Variants in CNOT10 observed in about 807,000 individuals in gnomAD.
The protein encoded by CNOT10 is CCR4-NOT transcription complex subunit 10, also known as CCR4-NOT transcription complex, subunit 10.
A neutral mutation model predicts 94.6 loss-of-function variants in CNOT10; 30 were observed. The observed-to-expected ratio is 0.32, with a 90% CI of 0.24 to 0.43. The LOEUF (loss-of-function observed/expected upper bound fraction) is 0.43. Among genes scored for constraint, CNOT10 ranks in the 20% least tolerant of loss-of-function variants. The pLI, the probability that CNOT10 is intolerant of heterozygous loss-of-function variation, is 1.00. For synonymous variants in CNOT10, 289 were observed against 301.6 expected (o/e 0.96, Z 0.43); for missense variants, 759 against 877.2 (o/e 0.87, Z 1.70).
At chr3:32,707,354 G>T (rs1304230793) in intron 3 of CNOT10, among the ~76,000 whole-genome samples, 1 of 151,548 alleles carries the variant, frequency 6.6e-6, no homozygotes, top group African/African-American at 2.4e-5. Flanking sequence ...ACCATCATGT[G>T]TGCAATAATA....
At chr3:32,727,487 ACT>A (rs1575249384) in intron 9 of CNOT10, among the ~76,000 whole-genome samples, 179 bp from the exon 10 acceptor site, 1 of 152,058 alleles carries the variant, frequency 6.6e-6, no homozygotes, top group Admixed American at 6.5e-5. Flanking sequence ...AACTAAGATG[ACT>A]CTGGAGAATA....
chr3:32,690,783 A>G (rs113884673), intron 1 of CNOT10, among the ~76,000 whole-genome samples: 2,939 of 151,968 alleles, frequency 0.019, 44 homozygotes, highest in East Asian at 0.046. Flanking sequence ...TCCTGACCTC[A>G]TGATCCGCCC....
chr3:32,696,101 A>G (rs898879268), intron 1 of CNOT10, among the ~76,000 whole-genome samples: 4 of 151,704 alleles, frequency 2.6e-5, no homozygotes, highest in Non-Finnish European at 4.4e-5. Context: ...GGATCACTTG[A>G]GATCAGGAGT....
rs537624654 is a variant in CNOT10, at chr3:32,691,794, G to A, written c.22+6312G>A. ...CTGCCAGCCAGGCATGGCGCCTCAC[G>A]CCTGTAATCCCAGCACTTTGGGAGT... On this transcript the variant is annotated intron_variant, in intron 1 of 18. Coordinates refer to ENST00000328834, the MANE Select transcript of CNOT10 (RefSeq NM_015442.3). Among the ~76,000 whole-genome samples the A allele has an allele frequency of 1.4e-4, 21 of 151,216 alleles. No individual in the cohort carries two copies. The South Asian group carries it at 3.2e-3, about 23-fold the overall frequency.
intron 13 of CNOT10, among the ~76,000 whole-genome samples, chr3:32,746,027 G>T (rs1347247546): frequency 6.6e-6 from 1 of 152,198 alleles, no homozygotes; most frequent in Admixed American, 6.5e-5. Context: ...AAGTTAACAT[G>T]GATGAATCTC....
chr3:32,766,862 G>A (rs1399238395), intron 17 of CNOT10, among the ~76,000 whole-genome samples: 2 of 152,164 alleles, frequency 1.3e-5, no homozygotes, highest in East Asian at 1.9e-4. Flanking sequence ...CATACCTGTA[G>A]TAGGGGACTG....
intron 1 of CNOT10, among the ~76,000 whole-genome samples, chr3:32,697,853 T>G (rs1697150344): frequency 6.6e-6 from 1 of 152,250 alleles, no homozygotes; most frequent in African/African-American, 2.4e-5. Flanking sequence ...AAATTATGCT[T>G]CTTTATGAGA....
intron 3 of CNOT10, among the ~76,000 whole-genome samples, chr3:32,708,166 G>A (rs1179152335): frequency 1.3e-5 from 2 of 152,078 alleles, no homozygotes; most frequent in Non-Finnish European, 2.9e-5. Context: ...CCAAAGTGCT[G>A]GGATTACAGG....
chr3:32,752,998 CATTAGAGGAG>C, intron 13 of CNOT10: 1 of 477,826 alleles, frequency 2.1e-6, no homozygotes, highest in Non-Finnish European at 4.1e-6. Context: ...CCCCAGGCGG[CATTAGAGGAG>C]CTGACTAAGG....
chr3:32,712,714 T>C (rs1182629708), intron 4 of CNOT10, among the ~76,000 whole-genome samples: 1 of 152,082 alleles, frequency 6.6e-6, no homozygotes, highest in African/African-American at 2.4e-5. Flanking sequence ...TGACACATGT[T>C]TGTGGTCCCA....
chr3:32,690,817 G>A (rs371359431), intron 1 of CNOT10, among the ~76,000 whole-genome samples: 189 of 152,036 alleles, frequency 1.2e-3, no homozygotes, highest in African/African-American at 4.1e-3. Flanking sequence ...AAAGTGCTGG[G>A]ATTACAGGCA....
chr3:32,695,663 G>A, intron 1 of CNOT10: 2 of 1,535,948 alleles, frequency 1.3e-6, no homozygotes, highest in Admixed American at 2.0e-5. Flanking sequence ...AAGGTTTGTG[G>A]GTCAAAGAGC....
At chr3:32,707,779 G>C (rs1053549359) in intron 3 of CNOT10, among the ~76,000 whole-genome samples, 1 of 151,864 alleles carries the variant, frequency 6.6e-6, no homozygotes, top group Non-Finnish European at 1.5e-5. Context: ...CTCCAGCCTG[G>C]GTGACTCCAT....
chr3:32,753,501 G>T (rs1027609577), intron 13 of CNOT10: 3 of 1,566,982 alleles, frequency 1.9e-6, no homozygotes, highest in Admixed American at 3.3e-5. Flanking sequence ...TACCAGAACA[G>T]AGCACATTTA....
chr3:32,734,731 C>T, intron 11 of CNOT10, 69 bp from the exon 12 acceptor site: 2 of 1,231,446 alleles, frequency 1.6e-6, no homozygotes, highest in South Asian at 1.6e-5. Flanking sequence ...TGGTTTTATT[C>T]CTCATAATAA....
intron 13 of CNOT10, among the ~76,000 whole-genome samples, chr3:32,754,075 G>C (rs1368503534): frequency 6.6e-6 from 1 of 152,020 alleles, no homozygotes; most frequent in Non-Finnish European, 1.5e-5. Flanking sequence ...ACTCCAGCCT[G>C]GGCAACAAGA....
intron 8 of CNOT10, among the ~76,000 whole-genome samples, chr3:32,724,412 A>ATT (rs756450071): frequency 9.2e-5 from 10 of 108,140 alleles, no homozygotes; most frequent in African/African-American, 1.1e-4. Context: ...CGCCCGGCTA[A>ATT]TTTTTTTTTT....
chr3:32,698,044 C>T (rs1010795269), intron 1 of CNOT10, among the ~76,000 whole-genome samples: 1 of 152,168 alleles, frequency 6.6e-6, no homozygotes, highest in Non-Finnish European at 1.5e-5. Flanking sequence ...CATTTTTACA[C>T]GTTTTAAAAT....
chr3:32,695,758 T>C, intron 1 of CNOT10: 4 of 1,535,976 alleles, frequency 2.6e-6, no homozygotes, highest in Non-Finnish European at 3.5e-6. Flanking sequence ...GTATACTCTT[T>C]CAATTGGCAA....
Sources: gnomAD v4.1 joint callset for allele counts (sites outside exome capture counted in the v4.1 genomes callset) on GRCh38, gnomAD v4.1.1 for gene constraint, MANE v1.5 for transcripts, NCBI Gene and HGNC (gene_info 2026-07-23, HGNC 2026-07-21) for gene names.